ATP5PB: variants seen among roughly 807,000 people sequenced by gnomAD.
The protein encoded by ATP5PB is ATP synthase peripheral stalk-membrane subunit b.
Under a neutral mutation model 34.5 loss-of-function variants are expected in ATP5PB, and 21 were observed. That is an observed-to-expected ratio of 0.61 (90% CI 0.43 to 0.88). The LOEUF is 0.88. ATP5PB is among the 40% of genes least tolerant of loss of function. The pLI is 0.00. For missense variants in ATP5PB, 293 were observed against 317.4 expected, an observed-to-expected ratio of 0.92 and a Z score of 0.58; for synonymous variants, 108 against 114.1, an observed-to-expected ratio of 0.95 and a Z score of 0.34.
At chr1:111,456,500 GTTTC>G (rs1255945665) in intron 4 of ATP5PB, 126 bp from the exon 5 acceptor site, 30 of 1,281,142 alleles carry the variant, frequency 2.3e-5, no homozygotes, top group Middle Eastern at 5.7e-4. Flanking sequence ...GGATTTGTGC[GTTTC>G]TTTCTATGTT....
At position 111,461,903 on chromosome 1, in the gene ATP5PB, A is replaced by G. The variant is rs994939438; in HGVS notation, c.*909A>G. ...GCAACAGACCTCGACTCCATCTAGA[A>G]AAAAAAAAAAAAAAATCCAGCAGAC... On this transcript the variant is annotated 3_prime_UTR_variant, in exon 7 of 7. Coordinates refer to ENST00000369722, the MANE Select transcript of ATP5PB (RefSeq NM_001688.5). The G allele has an allele frequency of 2.6e-4, 38 of 147,386 alleles. No individual in the cohort carries two copies. Among genetic ancestry groups the G allele is most frequent in the African/African-American group, 8.9e-4 (36 of 40,428 alleles). 9.1% of individuals were successfully genotyped at this position (147,386 alleles called of 1,614,324 possible). A position where few individuals can be genotyped will look rare whatever the true frequency, so the allele number is the denominator to read the frequency against.
Position 111,461,104 on chromosome 1 carries a change from C to A in ATP5PB, c.*110C>A. 1 of 1,011,092 alleles carries A rather than the reference C, an allele frequency of 9.9e-7. No individual in the cohort carries two copies. The highest frequency in any genetic ancestry group is 1.5e-6 in the Non-Finnish European group (1 of 682,534). The allele number at this position is 1,011,092 out of a possible 1,614,324, so 62.6% of individuals were successfully genotyped here. A position where few individuals can be genotyped will look rare whatever the true frequency, so the allele number is the denominator to read the frequency against. On this transcript the variant is annotated 3_prime_UTR_variant, in exon 7 of 7. Transcript: ENST00000369722. ...GTGTCTACTGAAGTTATAGTTTACCCTTCCTAAAAATGAAAAGTTTGTTTC... is the reference window on the plus strand; with the variant it reads ...GTGTCTACTGAAGTTATAGTTTACCATTCCTAAAAATGAAAAGTTTGTTTC...
chr1:111,460,676 C>T (rs1653595645), intron 6 of ATP5PB, among the ~76,000 whole-genome samples: 1 of 152,120 alleles, frequency 6.6e-6, no homozygotes, highest in African/African-American at 2.4e-5. Flanking sequence ...AGGTTTCACC[C>T]ATAAAGGCTG....
chr1:111,454,769 A>G (rs917474642), intron 3 of ATP5PB, among the ~76,000 whole-genome samples: 4 of 152,138 alleles, frequency 2.6e-5, no homozygotes, highest in Admixed American at 6.5e-5. Flanking sequence ...TTAAAAGGAA[A>G]TTGTAACAAT....
At chr1:111,458,321 CAT>C (rs1489968637) in intron 5 of ATP5PB, among the ~76,000 whole-genome samples, 1 of 152,202 alleles carries the variant, frequency 6.6e-6, no homozygotes, top group Non-Finnish European at 1.5e-5. Context: ...GCCTGGGCAA[CAT>C]AGACCCCCTT....
intron 5 of ATP5PB, among the ~76,000 whole-genome samples, chr1:111,458,856 TCTGCCTCAGTTTCCTCA>T (rs1653540122): frequency 6.6e-6 from 1 of 152,206 alleles, no homozygotes; most frequent in African/African-American, 2.4e-5. Flanking sequence ...TTTCCTAATT[TCTGCCTCAGTTTCCTCA>T]CTGCAAAATG....
intron 2 of ATP5PB, among the ~76,000 whole-genome samples, chr1:111,451,777 TTAAG>T (rs1219941778): frequency 6.6e-6 from 1 of 151,954 alleles, no homozygotes; most frequent in Non-Finnish European, 1.5e-5. Context: ...TTGAGAGCTG[TTAAG>T]TAATTCCAGG....
Position 111,454,635 on chromosome 1 carries a change from C to T in ATP5PB, c.223+279C>T, listed in dbSNP as rs570682455. Among the ~76,000 whole-genome samples the T allele has an allele frequency of 4.6e-5, 7 of 152,114 alleles. No homozygotes were observed. The South Asian group carries it at 1.2e-3, about 27-fold the overall frequency. On this transcript the variant is annotated intron_variant, in intron 3 of 6. Coordinates refer to ENST00000369722, the MANE Select transcript of ATP5PB (RefSeq NM_001688.5). ...TTTTCTATTTTTTTGTAGAGACGGG[C>T]TTTCACCATGTAGCCCAGGCTGGTC...
At position 111,461,073 on chromosome 1, in the gene ATP5PB, G is replaced by A. The variant is rs1653609890; in HGVS notation, c.*79G>A. On this transcript the variant is annotated 3_prime_UTR_variant, in exon 7 of 7. Coordinates refer to ENST00000369722, the MANE Select transcript of ATP5PB (RefSeq NM_001688.5). ...CTAGTCTATTTGACAAAGTCTTTCT[G>A]TGTTGGTGTCTACTGAAGTTATAGT... The A allele has an allele frequency of 2.2e-6, 3 of 1,335,620 alleles. No homozygotes were observed. The highest frequency in any genetic ancestry group is 2.5e-5 in the South Asian group (2 of 81,578). 82.7% of individuals were successfully genotyped at this position (1,335,620 alleles called of 1,614,324 possible).
chr1:111,452,693 G>C (rs17027687), intron 2 of ATP5PB, among the ~76,000 whole-genome samples: 3,161 of 152,314 alleles, frequency 0.021, 105 homozygotes, highest in African/African-American at 0.072. Flanking sequence ...ATACCATTTA[G>C]TGCTATGATT....
chr1:111,452,402 TA>T (rs5777060), intron 2 of ATP5PB, among the ~76,000 whole-genome samples: 149,569 of 150,264 alleles, frequency 1, 74,439 homozygotes, highest in East Asian at 1. Flanking sequence ...CTCCTAAAAA[TA>T]AAAAAAAAAA....
intron 5 of ATP5PB, among the ~76,000 whole-genome samples, chr1:111,457,656 G>A (rs1056231333): frequency 1.3e-5 from 2 of 152,144 alleles, no homozygotes; most frequent in Admixed American, 1.3e-4. Context: ...CTTGGCCAAT[G>A]TGGTCTTGGT....
In ATP5PB at chr1:111,454,500, A is replaced by C. The variant is rs990795966; in HGVS notation, c.223+144A>C. On this transcript the variant is annotated intron_variant, in intron 3 of 6. Transcript: ENST00000369722. ...GAGACAGGGTATTACTCTATCACCC[A>C]GGATGGAGTGATAGATCACAGCTCA... 1.3e-5 allele frequency: 14 copies of C among 1,052,678 alleles called. No homozygotes were observed. In the African/African-American group the frequency reaches 1.8e-4, roughly 14 times the overall value. 65.2% of individuals were successfully genotyped at this position (1,052,678 alleles called of 1,614,324 possible).
chr1:111,450,718 G>A (rs751282509), intron 2 of ATP5PB, among the ~76,000 whole-genome samples: 1 of 151,918 alleles, frequency 6.6e-6, no homozygotes, highest in Non-Finnish European at 1.5e-5. Flanking sequence ...TGCAAAATAC[G>A]GTAACTCAAA....
intron 4 of ATP5PB, 148 bp from the exon 5 acceptor site, chr1:111,456,482 C>A: frequency 8.3e-7 from 1 of 1,207,402 alleles, no homozygotes; most frequent in Non-Finnish European, 1.1e-6. Flanking sequence ...ATGGGCAATT[C>A]TTTTTAAGGA....
intron 2 of ATP5PB, among the ~76,000 whole-genome samples, chr1:111,452,386 C>T (rs1297699068): frequency 1.7e-5 from 2 of 117,350 alleles, no homozygotes; most frequent in Non-Finnish European, 3.5e-5. Flanking sequence ...TGGCAAAACC[C>T]CGTCTCTCCT....
chr1:111,454,458 T>C, intron 3 of ATP5PB, 102 bp downstream of exon 3: 1 of 1,430,324 alleles, frequency 7.0e-7, no homozygotes, highest in Non-Finnish European at 9.4e-7. Context: ...TTGTTGTTGT[T>C]GTTGTTGTTG....
Position 111,450,874 on chromosome 1 carries a change from G to A in ATP5PB, c.77+1001G>A, listed in dbSNP as rs559365629. Among the ~76,000 whole-genome samples, 15 of 152,272 alleles carry A rather than the reference G, an allele frequency of 9.9e-5. No individual in the cohort carries two copies. In the East Asian group the frequency reaches 2.7e-3, roughly 27 times the overall value. ...AAACAAATAATTGTAATACCAGGTA[G>A]TAAATAACTTATACTTACAAGATAC... On this transcript the variant is annotated intron_variant, in intron 2 of 6. Transcript: ENST00000369722.
chr1:111,460,974 C>G lies in ATP5PB; in HGVS notation c.751C>G (p.Gln251Glu), dbSNP rs765343628. 8.7e-6 allele frequency: 14 copies of G among 1,612,634 alleles called. No homozygotes were observed. The highest frequency in any genetic ancestry group is 2.2e-5 in the South Asian group (2 of 91,014). ...ADLKLLAKKA[Q>E]AQPVM ...CCTAAAGCTGCTGGCAAAGAAGGCT[C>G]AAGCACAGCCAGTTATGTAAATGTA... Residue 251 changes from glutamine to glutamate, a missense_variant, in exon 7 of 7, where the codon CAA becomes GAA. Gln to Glu is a conservative substitution (Grantham distance 29). Transcript: ENST00000369722.
Sources: allele counts gnomAD v4.1 joint callset (sites outside exome capture counted in the v4.1 genomes callset), GRCh38; gene constraint gnomAD v4.1.1; transcripts MANE v1.5; gene names NCBI Gene and HGNC (gene_info 2026-07-23, HGNC 2026-07-21).